The following GPC6 variants were observed in gnomAD, a reference collection of about 807,000 sequenced individuals.
The protein encoded by GPC6 is glypican-6.
Under a neutral mutation model 55.2 loss-of-function variants are expected in GPC6, and 14 were observed. That is an observed-to-expected ratio of 0.25 (90% CI 0.17 to 0.40). The LOEUF is 0.40. Ranked by LOEUF, GPC6 falls within the 10% of genes least tolerant of loss-of-function variation. The pLI is 1.00. For missense variants in GPC6, 641 were observed against 708.5 expected (o/e 0.90, Z 1.08); for synonymous variants, 278 against 259.6 (o/e 1.07, Z -0.68).
rs1880144145 is a variant in GPC6, at chr13:93,493,937, T to A, written c.161-51326T>A. Among the ~76,000 whole-genome samples, 2 of 112,604 alleles carry A rather than the reference T, an allele frequency of 1.8e-5. 1 individual carries two copies. The highest frequency in any genetic ancestry group is 1.8e-4 in the Admixed American group (2 of 11,366). The allele number at this position is 112,604 out of a possible 152,430, so 73.9% of individuals were successfully genotyped here. Reference sequence around the variant, plus strand: ...TTACATTTGCTGAGGAGTGCTTTACTTCCAACTCTGTGGTCAATTTTGGAA... The same window carrying A: ...TTACATTTGCTGAGGAGTGCTTTACATCCAACTCTGTGGTCAATTTTGGAA... On this transcript the variant is annotated intron_variant, in intron 1 of 8. Transcript: ENST00000377047.
intron 1 of GPC6, among the ~76,000 whole-genome samples, chr13:93,385,560 G>T (rs767128444): frequency 1.3e-5 from 2 of 152,228 alleles, no homozygotes; most frequent in Admixed American, 6.5e-5. Flanking sequence ...AGTAGGGGTA[G>T]AAAGAAGTGG....
At chr13:93,925,620 T>C (rs1877816298) in intron 3 of GPC6, among the ~76,000 whole-genome samples, 1 of 152,174 alleles carries the variant, frequency 6.6e-6, no homozygotes, top group Non-Finnish European at 1.5e-5. Flanking sequence ...TCTATTGCTG[T>C]GTAACAAACT....
At chr13:94,292,563 A>G (rs1244528003) in intron 5 of GPC6, among the ~76,000 whole-genome samples, 1 of 152,190 alleles carries the variant, frequency 6.6e-6, no homozygotes, top group Non-Finnish European at 1.5e-5. Context: ...AGTACACAAT[A>G]TAAAATTCTT....
At chr13:94,333,832 T>C (rs1046186981) in intron 6 of GPC6, among the ~76,000 whole-genome samples, 1 of 152,196 alleles carries the variant, frequency 6.6e-6, no homozygotes, top group Admixed American at 6.5e-5. Context: ...GCAATGAAGA[T>C]AGCCAGTGAA....
chr13:94,219,617 G>A (rs1215121104), intron 4 of GPC6, among the ~76,000 whole-genome samples: 1 of 152,142 alleles, frequency 6.6e-6, no homozygotes, highest in East Asian at 1.9e-4. Flanking sequence ...TCACTGCCCT[G>A]ATGTGCACAG....
intron 2 of GPC6, among the ~76,000 whole-genome samples, chr13:93,685,571 A>G (rs1003455844): frequency 6.6e-6 from 1 of 152,176 alleles, no homozygotes; most frequent in Non-Finnish European, 1.5e-5. Context: ...AACATTATAA[A>G]CACATTACTC....
intron 1 of GPC6, among the ~76,000 whole-genome samples, chr13:93,470,067 T>G (rs1879053867): frequency 6.6e-6 from 1 of 152,158 alleles, no homozygotes; most frequent in Admixed American, 6.5e-5. Flanking sequence ...TCCAACTGTG[T>G]TCCTTTGCCA....
At chr13:93,453,665 C>G (rs1878314872) in intron 1 of GPC6, among the ~76,000 whole-genome samples, 1 of 151,430 alleles carries the variant, frequency 6.6e-6, no homozygotes, top group Non-Finnish European at 1.5e-5. Context: ...AGGAGTGAAG[C>G]TGCAGACCTT....
At chr13:93,597,960 A>G (rs1877837799) in intron 2 of GPC6, among the ~76,000 whole-genome samples, 1 of 152,148 alleles carries the variant, frequency 6.6e-6, no homozygotes, top group South Asian at 2.1e-4. Flanking sequence ...CCTGTCCAAC[A>G]TGGTGAAACC....
At chr13:93,834,779 G>A (rs1435276967) in intron 3 of GPC6, among the ~76,000 whole-genome samples, 1 of 152,150 alleles carries the variant, frequency 6.6e-6, no homozygotes, top group African/African-American at 2.4e-5. Flanking sequence ...CTGCTAGCAA[G>A]TCAGTTTCCA....
rs555482279 is a variant in GPC6 at position 94,190,217 on chromosome 13, G to A, written c.878-96132G>A. 3.9e-5 allele frequency among the ~76,000 whole-genome samples: 6 copies of A among 152,020 alleles called. No homozygotes were observed. The East Asian group carries it at 1.2e-3, about 29-fold the overall frequency. On this transcript the variant is annotated intron_variant, in intron 4 of 8. Transcript: ENST00000377047. ...GGGTGCCTGTAATCCCAGCTACTCA[G>A]GAGGCTGAGGCAGAATTGTTTGAAC...
intron 4 of GPC6, among the ~76,000 whole-genome samples, chr13:94,107,907 C>T (rs1001436801): frequency 6.6e-6 from 1 of 152,002 alleles, no homozygotes; most frequent in Admixed American, 6.6e-5. Context: ...GGCATGGATG[C>T]AGTGAAAAGG....
chr13:93,908,721 C>T (rs1036469279), intron 3 of GPC6, among the ~76,000 whole-genome samples: 3 of 152,196 alleles, frequency 2.0e-5, no homozygotes, highest in African/African-American at 7.2e-5. Context: ...TCCTGCGACT[C>T]TCAGGCTTTA....
chr13:93,368,455 A>T (rs1464968433), intron 1 of GPC6, among the ~76,000 whole-genome samples: 3 of 148,654 alleles, frequency 2.0e-5, no homozygotes, highest in Non-Finnish European at 3.0e-5. Flanking sequence ...CTGAAATGAT[A>T]GTATGCTGTC....
chr13:94,382,303 TC>T, intron 6 of GPC6, 110 bp from the exon 7 acceptor site: 1 of 1,124,598 alleles, frequency 8.9e-7, no homozygotes, highest in Non-Finnish European at 1.3e-6. Flanking sequence ...GTTAAAGAGT[TC>T]CTGCTGGTCA....
intron 2 of GPC6, among the ~76,000 whole-genome samples, chr13:93,632,202 A>G (rs1209516041): frequency 7.2e-5 from 11 of 152,180 alleles, no homozygotes. Context: ...GTCTTGGAAA[A>G]TCTTTTATCC....
At chr13:93,219,594 T>A in the GPC6 span, among the ~76,000 whole-genome samples, 1 of 152,204 alleles carries the variant, frequency 6.6e-6, no homozygotes, top group African/African-American at 2.4e-5. Context: ...ACTCTAATTT[T>A]TTTTGCTAGT....
intron 2 of GPC6, among the ~76,000 whole-genome samples, chr13:93,739,456 G>A (rs1276448568): frequency 7.0e-6 from 1 of 143,130 alleles, no homozygotes; most frequent in Non-Finnish European, 1.5e-5. Context: ...TTGAGACGGA[G>A]TCTCACTCTG....
In GPC6 at chr13:93,690,022, C is replaced by T. The variant is rs558065279; in HGVS notation, c.320-140132C>T. The stretch of plus-strand genomic sequence containing the variant: ...AGATACTCAGGATGGGAAAATTTAG[C>T]ATTTAGTTACTTTAATAACAAAGAA... On this transcript the variant is annotated intron_variant, in intron 2 of 8. Transcript: ENST00000377047. 1.8e-4 allele frequency among the ~76,000 whole-genome samples: 28 copies of T among 152,202 alleles called. 1 individual carries two copies. In the South Asian group the frequency reaches 5.6e-3, roughly 30 times the overall value.
Sources: gnomAD v4.1 joint callset for allele counts (sites outside exome capture counted in the v4.1 genomes callset) on GRCh38, gnomAD v4.1.1 for gene constraint, MANE v1.5 for transcripts, NCBI Gene and HGNC (gene_info 2026-07-23, HGNC 2026-07-21) for gene names.